BLK: variants seen among roughly 807,000 people sequenced by gnomAD.
BLK encodes tyrosine-protein kinase Blk.
A neutral mutation model predicts 61.8 loss-of-function variants in BLK; 64 were observed. The ratio of observed to expected loss-of-function variants is 1.03; its 90% confidence interval spans 0.85 to 1.27. The LOEUF is 1.27. BLK is among the 50% of genes most tolerant of loss of function. BLK has a pLI of 0.00. For missense variants in BLK, 853 were observed against 660.5 expected (o/e 1.29, Z -3.19); for synonymous variants, 351 against 272.0 (o/e 1.29, Z -2.86).
chr8:11,550,724 G>A (rs761872963), intron 6 of BLK, among the ~76,000 whole-genome samples: 8 of 152,234 alleles, frequency 5.3e-5, no homozygotes, highest in South Asian at 2.1e-4. Flanking sequence ...TAATTGAGGG[G>A]AGCCCATGCC....
intron 1 of BLK, among the ~76,000 whole-genome samples, chr8:11,521,744 T>C (rs1451933959): frequency 2.0e-5 from 3 of 152,224 alleles, no homozygotes; most frequent in Admixed American, 2.0e-4. Context: ...GGCATGTGCA[T>C]GAGGGTCCGT....
chr8:11,548,896 G>A, intron 4 of BLK, 128 bp from the exon 5 acceptor site: 1 of 858,150 alleles, frequency 1.2e-6, no homozygotes, highest in South Asian at 1.4e-5. Context: ...CTTCCTGCCT[G>A]CCGTACTCTC....
At chr8:11,559,679 C>G (rs761718014) in intron 10 of BLK, 1 of 450,208 alleles carries the variant, frequency 2.2e-6, no homozygotes, top group Admixed American at 2.4e-5. Flanking sequence ...CCTGCAATCA[C>G]AATCCCTCGG....
chr8:11,527,255 G>A (rs894346040), intron 1 of BLK, among the ~76,000 whole-genome samples: 1 of 152,100 alleles, frequency 6.6e-6, no homozygotes, highest in Non-Finnish European at 1.5e-5. Context: ...CTCTAAGGGG[G>A]TGTAAATAAC....
intron 9 of BLK, among the ~76,000 whole-genome samples, chr8:11,557,177 A>G (rs1351819392): frequency 6.6e-6 from 1 of 152,140 alleles, no homozygotes; most frequent in Non-Finnish European, 1.5e-5. Context: ...GCATGCAGGG[A>G]CAGTACTAGA....
At chr8:11,507,458 C>T (rs1798820188) in intron 1 of BLK, among the ~76,000 whole-genome samples, 1 of 152,214 alleles carries the variant, frequency 6.6e-6, no homozygotes, top group African/African-American at 2.4e-5. Flanking sequence ...ATGACCACCC[C>T]AACTGCAGGG....
At chr8:11,554,348 C>G in intron 6 of BLK, 1 of 314,912 alleles carries the variant, frequency 3.2e-6, no homozygotes, top group East Asian at 7.8e-5. Flanking sequence ...AAGAGATACC[C>G]TCTTTAGCCA....
At chr8:11,530,451 T>A (rs1330249691) in intron 1 of BLK, among the ~76,000 whole-genome samples, 1 of 152,226 alleles carries the variant, frequency 6.6e-6, no homozygotes, top group African/African-American at 2.4e-5. Context: ...TCTGAAAATA[T>A]GTCATTTCAG....
In BLK at chr8:11,548,157, G is replaced by C. The variant is rs753565455; in HGVS notation, c.269+32G>C. ...TTCCAGGACACCATCCCCTGTCCCT[G>C]CAGGACCCCCCTCCCCCACATCTCT... On this transcript the variant is annotated intron_variant, in intron 4 of 12. Transcript: ENST00000259089. 1.9e-6 allele frequency: 3 copies of C among 1,557,442 alleles called. No homozygotes were observed. In the South Asian group the frequency reaches 3.3e-5, roughly 17 times the overall value.
intron 1 of BLK, among the ~76,000 whole-genome samples, chr8:11,512,419 C>A (rs1799049357): frequency 6.6e-6 from 1 of 152,208 alleles, no homozygotes; most frequent in Non-Finnish European, 1.5e-5. Flanking sequence ...GACATGTCAG[C>A]CATCTGACAC....
At chr8:11,494,895 C>T (rs1241182618) in intron 1 of BLK, among the ~76,000 whole-genome samples, 2 of 152,204 alleles carry the variant, frequency 1.3e-5, no homozygotes, top group Non-Finnish European at 2.9e-5. Flanking sequence ...GGGGGTTGAG[C>T]GGGCACACAC....
At position 11,543,298 on chromosome 8, in the gene BLK, C is replaced by T; in HGVS notation, c.74C>T (p.Pro25Leu). The change falls in exon 2 of 13, where the codon CCC (proline) becomes CTC (leucine). Residue 25 changes from proline (P) to leucine (L), a missense_variant. Coordinates refer to ENST00000259089, the MANE Select transcript of BLK (RefSeq NM_001715.3). Reference protein sequence around the residue: ...IKEKDKGQWSPLKVSAQDKDA... With the variant: ...IKEKDKGQWSLLKVSAQDKDA... ...GAGAAGGACAAGGGCCAATGGAGCC[C>T]CCTGAAGGTCAGCGCCCAAGACAAG... is the stretch of plus-strand genomic sequence containing the variant. 1.2e-6 allele frequency: 2 copies of T among 1,613,814 alleles called. No individual in the cohort carries two copies. The highest frequency in any genetic ancestry group is 1.7e-6 in the Non-Finnish European group (2 of 1,180,036).
intron 1 of BLK, among the ~76,000 whole-genome samples, chr8:11,528,078 C>T (rs1262165887): frequency 1.3e-5 from 2 of 152,214 alleles, no homozygotes; most frequent in South Asian, 2.1e-4. Flanking sequence ...ACTCTGTCAC[C>T]GAGGCTGGAG....
chr8:11,505,412 G>A (rs919823190), intron 1 of BLK, among the ~76,000 whole-genome samples: 1 of 152,136 alleles, frequency 6.6e-6, no homozygotes, highest in African/African-American at 2.4e-5. Context: ...ACAGCATGGT[G>A]ACCTGCCAAG....
At chr8:11,551,609 T>C (rs540272445) in intron 6 of BLK, among the ~76,000 whole-genome samples, 26 of 152,336 alleles carry the variant, frequency 1.7e-4, no homozygotes, top group South Asian at 8.3e-4. Context: ...AGCCTGTTCA[T>C]GTTCATTGCT....
At chr8:11,513,332 T>C (rs1799095409) in intron 1 of BLK, among the ~76,000 whole-genome samples, 1 of 152,112 alleles carries the variant, frequency 6.6e-6, no homozygotes, top group Non-Finnish European at 1.5e-5. Context: ...CCTTGGTGAT[T>C]CGTGGACCAT....
chr8:11,563,479 T>A (rs918969956), intron 12 of BLK, among the ~76,000 whole-genome samples: 1 of 152,194 alleles, frequency 6.6e-6, no homozygotes, highest in African/African-American at 2.4e-5. Flanking sequence ...GTGGCCAGAA[T>A]CGTGGACGAC....
At chr8:11,535,543 C>A (rs1800100435) in intron 1 of BLK, among the ~76,000 whole-genome samples, 1 of 152,202 alleles carries the variant, frequency 6.6e-6, no homozygotes, top group East Asian at 1.9e-4. Flanking sequence ...CTAGTGTTCC[C>A]AGTTTCTCAT....
chr8:11,559,738 C>T (rs760444754), intron 10 of BLK: 81 of 456,118 alleles, frequency 1.8e-4, no homozygotes, highest in Non-Finnish European at 1.6e-4. Flanking sequence ...CCATGCCTCG[C>T]CACCCCTCTA....
Sources: allele counts gnomAD v4.1 joint callset (sites outside exome capture counted in the v4.1 genomes callset), GRCh38; gene constraint gnomAD v4.1.1; transcripts MANE v1.5; gene names NCBI Gene and HGNC (gene_info 2026-07-23, HGNC 2026-07-21).